The following LGR4 variants were observed in gnomAD, a reference collection of about 807,000 sequenced individuals.
LGR4 encodes leucine-rich repeat-containing G protein-coupled receptor 4.
A neutral mutation model predicts 84.8 loss-of-function variants in LGR4; 44 were observed. The ratio of observed to expected loss-of-function variants is 0.52; its 90% confidence interval spans 0.41 to 0.67. The LOEUF (loss-of-function observed/expected upper bound fraction) is 0.67, where lower values mean the gene tolerates loss of function less well. LGR4 is among the 30% of genes least tolerant of loss of function. LGR4 has a pLI of 0.00. For synonymous variants in LGR4, 429 were observed against 434.3 expected (o/e 0.99, Z 0.15); for missense variants, 1,032 against 1,131.4 (o/e 0.91, Z 1.26).
chr11:27,382,949 G>A (rs1404091030), intron 6 of LGR4, among the ~76,000 whole-genome samples: 3 of 152,088 alleles, frequency 2.0e-5, no homozygotes, highest in African/African-American at 7.2e-5. Flanking sequence ...CCTGGGAGAC[G>A]GAGGTTGCAG....
chr11:27,380,949 G>A lies in LGR4; in HGVS notation c.776C>T (p.Ser259Phe). 1 of 1,533,878 alleles carries A rather than the reference G, an allele frequency of 6.5e-7. No homozygotes were observed. Residue 259 changes from serine (S) to phenylalanine (F), a missense_variant, in exon 8 of 18, where the codon TCT becomes TTT. Transcript: ENST00000379214. Reference sequence around the variant, plus strand: ...TGCTCCATCAGGGATAACAGAAATAGAATTACTATGAAATCCTCTAGAAAG... The same window carrying A: ...TGCTCCATCAGGGATAACAGAAATAAAATTACTATGAAATCCTCTAGAAAG... Reference protein sequence around the residue: ...SLKELGFHSNSISVIPDGAFD... With the variant: ...SLKELGFHSNFISVIPDGAFD...
chr11:27,436,525 T>C (rs1321579245), intron 1 of LGR4, among the ~76,000 whole-genome samples: 1 of 152,144 alleles, frequency 6.6e-6, no homozygotes, highest in Non-Finnish European at 1.5e-5. Context: ...AGGATGGATG[T>C]TTCACTTGGC....
chr11:27,435,047 A>G (rs767948451), intron 1 of LGR4, among the ~76,000 whole-genome samples: 1 of 152,168 alleles, frequency 6.6e-6, no homozygotes, highest in Non-Finnish European at 1.5e-5. Flanking sequence ...ACTTATAGAT[A>G]AAACTTGGCC....
intron 3 of LGR4, among the ~76,000 whole-genome samples, chr11:27,391,571 A>C (rs2133378278): frequency 6.6e-6 from 1 of 152,304 alleles, no homozygotes; most frequent in South Asian, 2.1e-4. Flanking sequence ...TTCAAATTGG[A>C]ATAAAGCAGA....
At chr11:27,451,771 C>T (rs1020113070) in intron 1 of LGR4, among the ~76,000 whole-genome samples, 1 of 152,218 alleles carries the variant, frequency 6.6e-6, no homozygotes, top group Non-Finnish European at 1.5e-5. Flanking sequence ...CATTCAGCTA[C>T]TAATTCACAG....
At chr11:27,464,916 G>C (rs1864750156) in intron 1 of LGR4, among the ~76,000 whole-genome samples, 1 of 151,834 alleles carries the variant, frequency 6.6e-6, no homozygotes. Flanking sequence ...CATTCTCCTA[G>C]TGTCAATCTA....
chr11:27,452,279 C>T (rs901762539), intron 1 of LGR4, among the ~76,000 whole-genome samples: 3 of 152,180 alleles, frequency 2.0e-5, no homozygotes, highest in African/African-American at 7.2e-5. Context: ...TTAAGACTCA[C>T]TAGAAGTTGC....
Position 27,368,596 on chromosome 11 carries a change from C to T in LGR4, c.2127G>A (p.Thr709=), listed in dbSNP as rs750570548. The part of the protein sequence containing the change: ...GETPSLGFTV[T]LVLLNSLAFL... ...ATGCTAGTGAGTTTAATAGCACTAA[C>T]GTTACAGTGAATCCTAATGATGGCG... Residue 709 remains threonine, a synonymous_variant, in exon 18 of 18, where the codon ACG becomes ACA. Transcript: ENST00000379214. 7.4e-6 allele frequency: 12 copies of T among 1,613,760 alleles called. No homozygotes were observed. The East Asian group carries it at 8.9e-5, about 12-fold the overall frequency.
intron 1 of LGR4, among the ~76,000 whole-genome samples, chr11:27,469,563 C>T (rs572539256): frequency 4.7e-4 from 71 of 152,260 alleles, no homozygotes; most frequent in African/African-American, 1.7e-3. Context: ...AATGCACCCC[C>T]CACCCCTGTC....
intron 1 of LGR4, among the ~76,000 whole-genome samples, chr11:27,453,726 G>A (rs1336054418): frequency 1.3e-5 from 2 of 152,136 alleles, no homozygotes; most frequent in African/African-American, 4.8e-5. Flanking sequence ...AATTTTTAAA[G>A]TTCTGACTTA....
intron 12 of LGR4, among the ~76,000 whole-genome samples, chr11:27,376,599 G>A (rs1862987521): frequency 6.6e-6 from 1 of 152,060 alleles, no homozygotes; most frequent in Non-Finnish European, 1.5e-5. Context: ...AAATGAAAGA[G>A]ACTAATTGGT....
intron 4 of LGR4, 68 bp downstream of exon 4, chr11:27,391,026 C>T (rs1400914288): frequency 9.1e-6 from 8 of 878,790 alleles, no homozygotes; most frequent in Non-Finnish European, 1.3e-5. Flanking sequence ...CCTTACAATT[C>T]TAGTTATTTA....
chr11:27,385,963 A>C (rs1444265348), intron 4 of LGR4, among the ~76,000 whole-genome samples: 3 of 152,202 alleles, frequency 2.0e-5, no homozygotes, highest in Non-Finnish European at 4.4e-5. Flanking sequence ...TTGTATAGCA[A>C]TAAAGAATCT....
intron 2 of LGR4, 148 bp downstream of exon 2, chr11:27,412,641 A>G (rs1330590280): frequency 3.0e-6 from 2 of 668,480 alleles, no homozygotes; most frequent in Non-Finnish European, 5.3e-6. Context: ...TACTTCCCCC[A>G]AGAAACATGA....
At chr11:27,449,433 T>A (rs1189423997) in intron 1 of LGR4, among the ~76,000 whole-genome samples, 1 of 151,842 alleles carries the variant, frequency 6.6e-6, no homozygotes, top group Non-Finnish European at 1.5e-5. Flanking sequence ...AAATAAAAAA[T>A]TAGCCAGGTA....
chr11:27,374,209 C>A (rs1862935312), intron 13 of LGR4, among the ~76,000 whole-genome samples, 163 bp from the exon 14 acceptor site: 1 of 152,144 alleles, frequency 6.6e-6, no homozygotes, highest in South Asian at 2.1e-4. Context: ...ATGTTGAATG[C>A]CTCTCCTTCA....
intron 2 of LGR4, among the ~76,000 whole-genome samples, chr11:27,406,749 T>G (rs1470848625): frequency 6.6e-6 from 1 of 152,138 alleles, no homozygotes; most frequent in East Asian, 1.9e-4. Context: ...GGCTGCAAAG[T>G]GGAACAAGAG....
intron 1 of LGR4, among the ~76,000 whole-genome samples, chr11:27,457,102 T>C (rs975426483): frequency 1.3e-5 from 2 of 152,182 alleles, no homozygotes; most frequent in Middle Eastern, 3.2e-3. Context: ...ACCCACTAAC[T>C]GTGGGATATT....
chr11:27,387,727 A>AGGG (rs1863212935), intron 4 of LGR4, among the ~76,000 whole-genome samples: 1 of 152,166 alleles, frequency 6.6e-6, no homozygotes, highest in Non-Finnish European at 1.5e-5. Context: ...TTCATTACAA[A>AGGG]TTGAAGTTCC....
Sources: allele counts gnomAD v4.1 joint callset (sites outside exome capture counted in the v4.1 genomes callset), GRCh38; gene constraint gnomAD v4.1.1; transcripts MANE v1.5; gene names NCBI Gene and HGNC (gene_info 2026-07-23, HGNC 2026-07-21).